Variants in CHN2 observed in about 807,000 individuals in gnomAD.
CHN2 encodes chimerin 2.
Under a neutral mutation model 56.3 loss-of-function variants are expected in CHN2, and 35 were observed. The ratio of observed to expected loss-of-function variants is 0.62; its 90% CI spans 0.47 to 0.82. The LOEUF (loss-of-function observed/expected upper bound fraction) is 0.82. CHN2 is among the 40% of genes least tolerant of loss of function. The probability of loss-of-function intolerance (pLI) is 0.00; values close to 1 mark genes in which losing one functional copy is unlikely to be tolerated. For missense variants in CHN2, 491 were observed against 580.5 expected, an observed-to-expected ratio of 0.85 and a Z score of 1.58; for synonymous variants, 210 against 212.8, an observed-to-expected ratio of 0.99 and a Z score of 0.12.
intron 6 of CHN2, among the ~76,000 whole-genome samples, chr7:29,455,880 C>T (rs1784715268): frequency 6.6e-6 from 1 of 152,122 alleles, no homozygotes; most frequent in Admixed American, 6.5e-5. Context: ...CTCAGCTCAC[C>T]CTGCATTAAG....
At chr7:29,350,218 A>C (rs371072329) in intron 1 of CHN2, among the ~76,000 whole-genome samples, 1 of 152,108 alleles carries the variant, frequency 6.6e-6, no homozygotes. Flanking sequence ...TGAGGAAACC[A>C]CTTAATCATT....
At chr7:29,152,118 C>T (rs1050142481) in intron 2 of CHN2, among the ~76,000 whole-genome samples, 1 of 152,142 alleles carries the variant, frequency 6.6e-6, no homozygotes, top group East Asian at 1.9e-4. Context: ...GACTCTATAG[C>T]CTCTGAAGGG....
rs933765362 is a variant in CHN2 at position 29,437,208 on chromosome 7, C to T, written c.576+36380C>T. Among the ~76,000 whole-genome samples the T allele has an allele frequency of 3.3e-5, 5 of 152,178 alleles. No homozygotes were observed. In the East Asian group the frequency reaches 5.8e-4, roughly 18 times the overall value. ...ACATCTTCATTGTACACAAATTAGACAATAAAGATTTAAGAAAACATTTGT... is the reference window on the plus strand; with the variant it reads ...ACATCTTCATTGTACACAAATTAGATAATAAAGATTTAAGAAAACATTTGT... On this transcript the variant is annotated intron_variant, in intron 6 of 12. Coordinates refer to ENST00000222792, the MANE Select transcript of CHN2 (RefSeq NM_004067.4).
In CHN2 at chr7:29,270,300, C is replaced by G. The variant is rs145152091; in HGVS notation, c.49+75310C>G. Among the ~76,000 whole-genome samples, 407 of 152,140 alleles carry G rather than the reference C, an allele frequency of 2.7e-3. 1 individual carries two copies. Among genetic ancestry groups the G allele is most frequent in the African/African-American group, 9.4e-3 (389 of 41,486 alleles). On this transcript the variant is annotated intron_variant, in intron 1 of 12. Coordinates refer to ENST00000222792, the MANE Select transcript of CHN2 (RefSeq NM_004067.4). ...CTCTTCTAGAAAAGCTCATGCACTTCCCTTTAGGCTGCATTTTAAATGAAG... is the reference window on the plus strand; with the variant it reads ...CTCTTCTAGAAAAGCTCATGCACTTGCCTTTAGGCTGCATTTTAAATGAAG...
At chr7:29,371,815 A>G (rs2128045478) in intron 3 of CHN2, among the ~76,000 whole-genome samples, 1 of 152,204 alleles carries the variant, frequency 6.6e-6, no homozygotes, top group East Asian at 1.9e-4. Context: ...CTCCATTCTT[A>G]GCATCAAGTC....
intron 1 of CHN2, among the ~76,000 whole-genome samples, chr7:29,284,161 T>A (rs1309746307): frequency 1.3e-5 from 2 of 151,844 alleles, no homozygotes; most frequent in Non-Finnish European, 2.9e-5. Flanking sequence ...AGTGGTGCGA[T>A]CTCCCCTCAC....
intron 2 of CHN2, among the ~76,000 whole-genome samples, chr7:29,180,600 A>G (rs1797947897): frequency 6.6e-6 from 1 of 152,222 alleles, no homozygotes; most frequent in South Asian, 2.1e-4. Flanking sequence ...GTATAAATCA[A>G]ATTAAGGCAA....
At chr7:29,394,664 T>C (rs2128077143) in intron 4 of CHN2, among the ~76,000 whole-genome samples, 1 of 152,372 alleles carries the variant, frequency 6.6e-6, no homozygotes, top group South Asian at 2.1e-4. Flanking sequence ...CTCTACCCCA[T>C]GCCCCTACTG....
intron 1 of CHN2, among the ~76,000 whole-genome samples, chr7:29,269,213 C>T (rs1790415271): frequency 6.6e-6 from 1 of 152,224 alleles, no homozygotes; most frequent in East Asian, 1.9e-4. Flanking sequence ...CCCCACTACT[C>T]TGCCAGCCTC....
chr7:29,364,004 C>A (rs1798943284), intron 2 of CHN2, among the ~76,000 whole-genome samples: 1 of 152,092 alleles, frequency 6.6e-6, no homozygotes, highest in Non-Finnish European at 1.5e-5. Context: ...AGACCCCCAT[C>A]TCTTAAAAAA....
intron 1 of CHN2, among the ~76,000 whole-genome samples, chr7:29,246,438 G>A (rs1788082919): frequency 6.6e-6 from 1 of 152,154 alleles, no homozygotes; most frequent in South Asian, 2.1e-4. Flanking sequence ...TCCAAGGAGT[G>A]AAGGGTCAAA....
intron 1 of CHN2, among the ~76,000 whole-genome samples, chr7:29,341,584 AAGAG>A (rs1797056495): frequency 6.7e-6 from 1 of 149,656 alleles, no homozygotes. Flanking sequence ...GAGGGACAGA[AAGAG>A]GGAGGGAGGA....
intron 1 of CHN2, among the ~76,000 whole-genome samples, chr7:29,321,757 AC>A (rs1795379135): frequency 6.6e-6 from 1 of 151,386 alleles, no homozygotes. Flanking sequence ...TTTAGTAGAG[AC>A]GGGGTTTCTC....
chr7:29,294,311 T>C (rs1792946167), intron 1 of CHN2, among the ~76,000 whole-genome samples: 1 of 152,162 alleles, frequency 6.6e-6, no homozygotes, highest in South Asian at 2.1e-4. Flanking sequence ...CTTGGAGAAA[T>C]ACTTTTGGGA....
chr7:29,383,231 T>C (rs1230217180), intron 3 of CHN2, among the ~76,000 whole-genome samples: 1 of 152,088 alleles, frequency 6.6e-6, no homozygotes, highest in African/African-American at 2.4e-5. Flanking sequence ...TGTATGTGTG[T>C]GTATGTGTGT....
chr7:29,383,609 T>C (rs962529495), intron 3 of CHN2, among the ~76,000 whole-genome samples: 1 of 152,156 alleles, frequency 6.6e-6, no homozygotes, highest in African/African-American at 2.4e-5. Flanking sequence ...ACACATAAAA[T>C]TGATCATCAT....
At chr7:29,351,107 C>CAAAAAAAA (rs55787771) in intron 1 of CHN2, among the ~76,000 whole-genome samples, 4 of 70,050 alleles carry the variant, frequency 5.7e-5, no homozygotes, top group Non-Finnish European at 5.6e-5. Flanking sequence ...GACTCCATCT[C>CAAAAAAAA]AAAAAAAAAA....
At chr7:29,363,393 G>C (rs777891210) in intron 2 of CHN2, among the ~76,000 whole-genome samples, 3 of 152,192 alleles carry the variant, frequency 2.0e-5, no homozygotes, top group Non-Finnish European at 2.9e-5. Context: ...GCTGAAGCAG[G>C]AGAATTGCTT....
intron 1 of CHN2, among the ~76,000 whole-genome samples, chr7:29,278,380 G>A (rs974374095): frequency 4.6e-5 from 7 of 151,758 alleles, no homozygotes; most frequent in East Asian, 1.9e-4. Flanking sequence ...CTCTGCCTTC[G>A]TAGAGCAAAA....
Sources: gnomAD v4.1 joint callset for allele counts (sites outside exome capture counted in the v4.1 genomes callset) on GRCh38, gnomAD v4.1.1 for gene constraint, MANE v1.5 for transcripts, NCBI Gene and HGNC (gene_info 2026-07-23, HGNC 2026-07-21) for gene names.